The following EMC8 variants were observed in gnomAD, a reference collection of about 807,000 sequenced individuals.
EMC8 encodes the protein ER membrane protein complex subunit 8.
In EMC8, 11 loss-of-function variants were observed where a neutral mutation model predicts 24.3. The observed-to-expected ratio is 0.45, with a 90% CI of 0.28 to 0.75. The LOEUF (loss-of-function observed/expected upper bound fraction) is 0.75, where lower values mean the gene tolerates loss of function less well. Among genes scored for constraint, EMC8 ranks in the 30% least tolerant of loss-of-function variants. The probability of loss-of-function intolerance (pLI) is 0.12; values close to 1 mark genes in which losing one functional copy is unlikely to be tolerated. For synonymous variants in EMC8, 145 were observed against 117.7 expected (o/e 1.23, Z -1.50); for missense variants, 277 against 282.7 (o/e 0.98, Z 0.14).
At chr16:85,788,716 G>A (rs1040977081) in intron 2 of EMC8, among the ~76,000 whole-genome samples, 5 of 152,354 alleles carry the variant, frequency 3.3e-5, no homozygotes, top group East Asian at 3.9e-4. Context: ...GAAGCCAACT[G>A]TCGCTTTCAT....
At chr16:85,794,462 G>C (rs902961203) in intron 1 of EMC8, among the ~76,000 whole-genome samples, 1 of 152,180 alleles carries the variant, frequency 6.6e-6, no homozygotes, top group Non-Finnish European at 1.5e-5. Context: ...GGCGAGGCGA[G>C]CGGACTGCCT....
chr16:85,794,712 T>C (rs934780552), intron 1 of EMC8, among the ~76,000 whole-genome samples: 1 of 152,126 alleles, frequency 6.6e-6, no homozygotes, highest in East Asian at 1.9e-4. Context: ...TAAATAACTA[T>C]TGCCTGGCAA....
intron 1 of EMC8, among the ~76,000 whole-genome samples, chr16:85,795,699 T>G (rs1451783285): frequency 6.6e-6 from 1 of 152,224 alleles, no homozygotes; most frequent in Non-Finnish European, 1.5e-5. Context: ...TGCAGTGTCC[T>G]GTATAATAAA....
chr16:85,780,119 C>T (rs1300719423), intron 4 of EMC8: 2 of 600,038 alleles, frequency 3.3e-6, no homozygotes, highest in South Asian at 4.1e-5. Context: ...TTCTGAGTGG[C>T]CACAGATACA....
At chr16:85,783,037 C>T (rs145431259) in intron 2 of EMC8, among the ~76,000 whole-genome samples, 4,460 of 152,282 alleles carry the variant, frequency 0.029, 215 homozygotes, top group African/African-American at 0.1. Flanking sequence ...CAGTGGCTCA[C>T]GCCTGTAATC....
chr16:85,787,599 A>G (rs78027384), intron 2 of EMC8: 12,028 of 152,388 alleles, frequency 0.079, 641 homozygotes, highest in East Asian at 0.31. Context: ...GAGGCAGGCG[A>G]TATCAAACAG....
chr16:85,798,610 G>A (rs1299992349), intron 1 of EMC8: 1 of 161,320 alleles, frequency 6.2e-6, no homozygotes, highest in Middle Eastern at 3.0e-3. Context: ...CGGGGTGCCC[G>A]AGTACCGACA....
chr16:85,785,294 G>C (rs1904701393), intron 2 of EMC8, among the ~76,000 whole-genome samples: 1 of 152,190 alleles, frequency 6.6e-6, no homozygotes, highest in African/African-American at 2.4e-5. Flanking sequence ...AGTTGGCCGG[G>C]TGTGGTGGCT....
At chr16:85,789,089 C>G (rs1904887865) in intron 1 of EMC8, 39 bp from the exon 2 acceptor site, 1 of 1,348,768 alleles carries the variant, frequency 7.4e-7, no homozygotes, top group African/African-American at 1.4e-5. Context: ...ATGAATGACT[C>G]TCCCTTAAAT....
intron 1 of EMC8, among the ~76,000 whole-genome samples, chr16:85,798,090 T>C (rs941769931): frequency 6.0e-5 from 9 of 149,892 alleles, no homozygotes; most frequent in African/African-American, 2.2e-4. Flanking sequence ...CGTCTGCTCC[T>C]GCTGTTTAAT....
At chr16:85,789,744 A>C (rs576938599) in intron 1 of EMC8, among the ~76,000 whole-genome samples, 1 of 151,786 alleles carries the variant, frequency 6.6e-6, no homozygotes, top group South Asian at 2.1e-4. Context: ...GTGAGCCAAG[A>C]TCATGCCACT....
At chr16:85,785,362 C>T (rs1190497698) in intron 2 of EMC8, among the ~76,000 whole-genome samples, 1 of 152,006 alleles carries the variant, frequency 6.6e-6, no homozygotes, top group African/African-American at 2.4e-5. Context: ...TTGAGGTCAG[C>T]AGTTCGAGAC....
chr16:85,787,239 T>C (rs1436624191), intron 2 of EMC8, among the ~76,000 whole-genome samples: 8 of 152,056 alleles, frequency 5.3e-5, no homozygotes, highest in African/African-American at 1.7e-4. Context: ...CAACCAGGAA[T>C]GCTGACCTCC....
intron 2 of EMC8, among the ~76,000 whole-genome samples, chr16:85,786,239 G>C (rs1904748109): frequency 6.6e-6 from 1 of 152,196 alleles, no homozygotes. Context: ...TTTGAATCCA[G>C]GTCTACTTGG....
chr16:85,779,333 CT>C lies in EMC8; in HGVS notation c.*374del, dbSNP rs66645296. On this transcript the variant is annotated 3_prime_UTR_variant, in exon 5 of 5. Transcript: ENST00000253457. ...CACTCATTGGAGTATAAGATGTGGG[CT>C]TTTTTTTTTTTTTTTAAAAAAAGAT... 0.24 allele frequency: 37,210 copies of C among 152,556 alleles called. 5,356 individuals carry two copies. Among genetic ancestry groups the C allele is most frequent in the East Asian group, 0.74 (3,883 of 5,274 alleles). The allele number at this position is 152,556 out of a possible 1,614,324, so 9.5% of individuals were successfully genotyped here.
chr16:85,786,075 C>T lies in EMC8; in HGVS notation c.308+2899G>A, dbSNP rs572940181. 2.6e-5 allele frequency among the ~76,000 whole-genome samples: 4 copies of T among 152,304 alleles called. No homozygotes were observed. In the East Asian group the frequency reaches 5.8e-4, roughly 22 times the overall value. ...GAAAAAGTCATCACAGCACTAGTAACAGCACCAGCCACTACTGTAAACCAA... is the reference window on the plus strand; with the variant it reads ...GAAAAAGTCATCACAGCACTAGTAATAGCACCAGCCACTACTGTAAACCAA... On this transcript the variant is annotated intron_variant, in intron 2 of 4. Coordinates refer to ENST00000253457, the MANE Select transcript of EMC8 (RefSeq NM_006067.5).
At chr16:85,794,429 CT>C (rs1251504845) in intron 1 of EMC8, among the ~76,000 whole-genome samples, 1 of 152,150 alleles carries the variant, frequency 6.6e-6, no homozygotes, top group Admixed American at 6.5e-5. Context: ...TGACTCACGT[CT>C]GTAATCCTAG....
chr16:85,797,860 G>C (rs567311575), intron 1 of EMC8, among the ~76,000 whole-genome samples: 4 of 152,260 alleles, frequency 2.6e-5, no homozygotes, highest in South Asian at 4.1e-4. Context: ...CCTCAGCTCA[G>C]GTATGCAGGT....
chr16:85,794,296 T>A (rs766697564), intron 1 of EMC8, among the ~76,000 whole-genome samples: 1 of 152,166 alleles, frequency 6.6e-6, no homozygotes, highest in East Asian at 1.9e-4. Flanking sequence ...AGCTGCAAAT[T>A]TTCCCCTGTA....
Sources: allele counts gnomAD v4.1 joint callset (sites outside exome capture counted in the v4.1 genomes callset), GRCh38; gene constraint gnomAD v4.1.1; transcripts MANE v1.5; gene names NCBI Gene and HGNC (gene_info 2026-07-23, HGNC 2026-07-21).